Variants in CREBBP observed in about 807,000 individuals in gnomAD.
CREBBP encodes CREB binding lysine acetyltransferase.
CREBBP carries 19 observed loss-of-function variants against 265.0 expected under a neutral mutation model. The ratio of observed to expected loss-of-function variants is 0.07; its 90% confidence interval spans 0.05 to 0.11. The LOEUF is 0.11. Among genes scored for constraint, CREBBP ranks in the 10% least tolerant of loss-of-function variants. The pLI, the probability that CREBBP is intolerant of heterozygous loss-of-function variation, is 1.00. For missense variants in CREBBP, 2,525 were observed against 3,219.0 expected (o/e 0.78, Z 5.22); for synonymous variants, 1,457 against 1,223.7 (o/e 1.19, Z -3.98).
chr16:3,824,012 T>C (rs1350476904), intron 2 of CREBBP, among the ~76,000 whole-genome samples: 5 of 151,872 alleles, frequency 3.3e-5, no homozygotes, highest in Non-Finnish European at 1.5e-5. Context: ...GAACATGAAG[T>C]GTGTTAAAGT....
chr16:3,814,236 TGTGTGTGTG>T (rs1384377154), intron 2 of CREBBP, among the ~76,000 whole-genome samples: 2 of 137,362 alleles, frequency 1.5e-5, no homozygotes, highest in African/African-American at 5.6e-5. Flanking sequence ...TGTGTGTGTG[TGTGTGTGTG>T]TGTGTGTGTG....
chr16:3,866,420 G>A (rs933603987), intron 1 of CREBBP, among the ~76,000 whole-genome samples: 14 of 152,182 alleles, frequency 9.2e-5, no homozygotes, highest in African/African-American at 2.4e-4. Context: ...TCTGGATGGC[G>A]CCTCTTAGGG....
intron 16 of CREBBP, 105 bp downstream of exon 16, chr16:3,767,615 G>T: frequency 6.8e-7 from 1 of 1,467,524 alleles, no homozygotes; most frequent in East Asian, 2.3e-5. Context: ...AAGGTAAAAG[G>T]GCAGATAGAA....
chr16:3,765,219 G>A (rs1024164273), intron 16 of CREBBP, among the ~76,000 whole-genome samples: 2 of 152,206 alleles, frequency 1.3e-5, no homozygotes, highest in Admixed American at 6.5e-5. Flanking sequence ...CTCGTGATCT[G>A]CCTGCCTTGG....
At chr16:3,851,378 C>T (rs2054833976) in intron 1 of CREBBP, among the ~76,000 whole-genome samples, 1 of 145,182 alleles carries the variant, frequency 6.9e-6, no homozygotes, top group African/African-American at 2.5e-5. Context: ...AGAAAAAATA[C>T]CCTTCAAATT....
At chr16:3,767,653 T>C in intron 16 of CREBBP, 67 bp downstream of exon 16, 1 of 1,600,116 alleles carries the variant, frequency 6.2e-7, no homozygotes, top group East Asian at 2.2e-5. Context: ...CTTTTAATCC[T>C]CCACATGGAA....
Position 3,727,962 on chromosome 16 carries a change from C to T in CREBBP, c.7085G>A (p.Ser2362Asn). The change falls in exon 31 of 31, where the codon AGC (serine) becomes AAC (asparagine). Residue 2362 changes from serine (S) to asparagine (N), a missense_variant. Physicochemically the swap from Ser to Asn is conservative, Grantham distance 46. Transcript: ENST00000262367. ...PRPQSQPPHSSPSPRIQPQPS... is the reference protein window; with the variant it reads ...PRPQSQPPHSNPSPRIQPQPS... ...CTGGGGCTGTATCCGTGGTGACGGG[C>T]TGGAATGTGGAGGCTGGGACTGGGG... The T allele has an allele frequency of 2.5e-6, 4 of 1,607,208 alleles. No individual in the cohort carries two copies. Among genetic ancestry groups the T allele is most frequent in the African/African-American group, 2.7e-5 (2 of 74,882 alleles).
In CREBBP at chr16:3,784,897, G is replaced by C. The variant is rs537596921; in HGVS notation, c.1331-1971C>G. The stretch of plus-strand genomic sequence containing the variant: ...GACACGGTCACTGCATTTTGTGTTA[G>C]AGGCATTCATTTTCTAAACGTAAAC... On this transcript the variant is annotated intron_variant, in intron 5 of 30. Transcript: ENST00000262367. Among the ~76,000 whole-genome samples the C allele has an allele frequency of 1.4e-3, 207 of 152,310 alleles. 11 individuals carry two copies. The South Asian group carries it at 0.042, about 31-fold the overall frequency.
At chr16:3,876,421 A>C (rs1396059193) in intron 1 of CREBBP, among the ~76,000 whole-genome samples, 2 of 149,864 alleles carry the variant, frequency 1.3e-5, no homozygotes, top group African/African-American at 5.0e-5. Flanking sequence ...AAAAAAAAAA[A>C]AAAAACAACC....
At chr16:3,839,722 G>A in intron 2 of CREBBP, among the ~76,000 whole-genome samples, 1 of 137,784 alleles carries the variant, frequency 7.3e-6, no homozygotes, top group African/African-American at 2.7e-5. Context: ...GGGGAGGGGA[G>A]GGGGAGGGGG....
chr16:3,738,951 C>CA (rs1160117601), intron 25 of CREBBP, among the ~76,000 whole-genome samples: 1 of 152,184 alleles, frequency 6.6e-6, no homozygotes, highest in African/African-American at 2.4e-5. Context: ...CTTTGTTGTT[C>CA]AGACTTGTCT....
At chr16:3,787,256 G>A (rs1596931899) in intron 5 of CREBBP, among the ~76,000 whole-genome samples, 1 of 152,278 alleles carries the variant, frequency 6.6e-6, no homozygotes, top group South Asian at 2.1e-4. Flanking sequence ...TGCCAGGCTG[G>A]AGACTCAGCC....
At chr16:3,837,540 C>T (rs193058423) in intron 2 of CREBBP, among the ~76,000 whole-genome samples, 12 of 151,700 alleles carry the variant, frequency 7.9e-5, no homozygotes, top group Admixed American at 5.9e-4. Context: ...TGCTTGAACC[C>T]GGGAGGCGGA....
At chr16:3,806,642 C>T (rs2053836356) in intron 3 of CREBBP, among the ~76,000 whole-genome samples, 1 of 152,124 alleles carries the variant, frequency 6.6e-6, no homozygotes, top group Non-Finnish European at 1.5e-5. Context: ...CAAGACGTCA[C>T]CAAGAATCAG....
rs763702839 is a variant in CREBBP at position 3,773,775 on chromosome 16, C to T, written c.2439G>A (p.Pro813=). 62 of 1,613,716 alleles carry T rather than the reference C, an allele frequency of 3.8e-5. No individual in the cohort carries two copies. The Middle Eastern group carries it at 5.1e-4, about 13-fold the overall frequency. ...SGAMSVGMGQ[P]PAQTGVSQGQ... is the part of the protein sequence containing the mutation. ...CCTGTGACACGCCTGTTTGGGCTGG[C>T]GGCTGCCCCATGCCCACACTCATCG... Residue 813 remains proline, a synonymous_variant, in exon 13 of 31, where the codon CCG becomes CCA. Coordinates refer to ENST00000262367, the MANE Select transcript of CREBBP (RefSeq NM_004380.3).
rs1174538827 is a variant in CREBBP at position 3,803,514 on chromosome 16, A to G, written c.975+7089T>C. Among the ~76,000 whole-genome samples the G allele has an allele frequency of 2.0e-5, 3 of 152,024 alleles. No homozygotes were observed. In the East Asian group the frequency reaches 5.8e-4, roughly 29 times the overall value. ...ATCGAGACTCTCTCTCAACAACAAC[A>G]ACAACAAAAAAAACAAAACATCTAA... On this transcript the variant is annotated intron_variant, in intron 3 of 30. Coordinates refer to ENST00000262367, the MANE Select transcript of CREBBP (RefSeq NM_004380.3).
intron 28 of CREBBP, among the ~76,000 whole-genome samples, chr16:3,735,506 C>G (rs958909104): frequency 2.6e-5 from 4 of 152,150 alleles, no homozygotes; most frequent in African/African-American, 9.7e-5. Context: ...CTGTGTTAGC[C>G]AGGCTGGTCT....
At position 3,767,720 on chromosome 16, in the gene CREBBP, T is replaced by A. The variant is rs751237748; in HGVS notation, c.3250A>T (p.Ile1084Phe). 18 of 1,614,172 alleles carry A rather than the reference T, an allele frequency of 1.1e-5. 1 individual carries two copies. In the South Asian group the frequency reaches 1.5e-4, roughly 14 times the overall value. Residue 1084 changes from isoleucine to phenylalanine, a missense_variant and splice_region_variant, in exon 16 of 31, where the codon ATC (isoleucine) becomes TTC (phenylalanine). This residue lies in a region of CREBBP where 548 missense variants were observed against 533.0 expected (regional missense o/e 1.03). Coordinates refer to ENST00000262367, the MANE Select transcript of CREBBP (RefSeq NM_004380.3). ...ATAAGGTAATGAATAAATGGCCTAC[T>A]TTTTTTGCGCGGCTGCGAAGGAGAT... ...STSPSQPRKK[I>F]FKPEELRQAL...
At chr16:3,736,935 T>C (rs2052076313) in intron 26 of CREBBP, 120 bp from the exon 27 acceptor site, 1 of 1,244,530 alleles carries the variant, frequency 8.0e-7, no homozygotes, top group Admixed American at 1.9e-5. Flanking sequence ...AGAGAGAGAA[T>C]GAATGCCCAC....
Sources: allele counts gnomAD v4.1 joint callset (sites outside exome capture counted in the v4.1 genomes callset), GRCh38; gene constraint gnomAD v4.1.1; regional missense constraint gnomAD v4.1.1; transcripts MANE v1.5; gene names NCBI Gene and HGNC (gene_info 2026-07-23, HGNC 2026-07-21).